R3HDM2: variants seen among roughly 807,000 people sequenced by gnomAD.
R3HDM2 encodes R3H domain-containing protein 2.
Under a neutral mutation model 124.5 loss-of-function variants are expected in R3HDM2, and 38 were observed. The observed-to-expected ratio is 0.31, with a 90% CI of 0.24 to 0.40. The LOEUF (loss-of-function observed/expected upper bound fraction) is 0.40. Ranked by LOEUF, R3HDM2 falls within the 10% of genes least tolerant of loss-of-function variation. The pLI, the probability that R3HDM2 is intolerant of heterozygous loss-of-function variation, is 1.00. For synonymous variants in R3HDM2, 391 were observed against 448.0 expected, an observed-to-expected ratio of 0.87 and a Z score of 1.61; for missense variants, 869 against 1,236.9, an observed-to-expected ratio of 0.70 and a Z score of 4.46.
intron 2 of R3HDM2, among the ~76,000 whole-genome samples, chr12:57,311,223 TTA>T (rs906914579): frequency 1.3e-4 from 20 of 149,142 alleles, no homozygotes; most frequent in Middle Eastern, 3.4e-3. Flanking sequence ...CTATAAAATC[TTA>T]TATATATATA....
chr12:57,303,500 T>C (rs775187455), intron 3 of R3HDM2, among the ~76,000 whole-genome samples: 10 of 151,978 alleles, frequency 6.6e-5, no homozygotes, highest in Admixed American at 5.2e-4. Context: ...TCCCAGCACT[T>C]TGGGAGGCCG....
chr12:57,416,342 G>C (rs2069601873), intron 1 of R3HDM2, among the ~76,000 whole-genome samples: 2 of 152,128 alleles, frequency 1.3e-5, no homozygotes. Context: ...GGTAAATACA[G>C]GTAAATGTCA....
In R3HDM2 at chr12:57,384,383, A is replaced by C. The variant is rs529863834; in HGVS notation, c.-36+11366T>G. On this transcript the variant is annotated intron_variant, in intron 2 of 23. Coordinates refer to ENST00000402412, the MANE Select transcript of R3HDM2 (RefSeq NM_001394031.1). ...AAAAAAAAAGAAAAGAAAAGTAGGGAAACAAGCCTATGTTCCTTGAGATTA... is the reference window on the plus strand; with the variant it reads ...AAAAAAAAAGAAAAGAAAAGTAGGGCAACAAGCCTATGTTCCTTGAGATTA... Among the ~76,000 whole-genome samples, 5 of 151,984 alleles carry C rather than the reference A, an allele frequency of 3.3e-5. No individual in the cohort carries two copies. The East Asian group carries it at 9.7e-4, about 29-fold the overall frequency.
Position 57,253,918 on chromosome 12 carries a change from G to A in R3HDM2, c.*855C>T. ...AATTAAATACTGTGTCTGTTACTGC[G>A]GCACGAACCTCAAACAAACAATATA... On this transcript the variant is annotated 3_prime_UTR_variant, in exon 24 of 24. Transcript: ENST00000402412. The A allele has an allele frequency of 7.0e-6, 2 of 284,162 alleles. No individual in the cohort carries two copies. The highest frequency in any genetic ancestry group is 3.1e-5 in the South Asian group (1 of 31,762). The allele number at this position is 284,162 out of a possible 1,614,324, so 17.6% of individuals were successfully genotyped here.
At chr12:57,315,863 C>T (rs1168954909) in intron 2 of R3HDM2, among the ~76,000 whole-genome samples, 7 of 152,272 alleles carry the variant, frequency 4.6e-5, no homozygotes, top group South Asian at 2.1e-4. Context: ...CTCACGCCTA[C>T]AGTCAGAGCA....
chr12:57,270,808 A>G (rs184075985), intron 14 of R3HDM2, among the ~76,000 whole-genome samples: 41 of 152,214 alleles, frequency 2.7e-4, no homozygotes, highest in Non-Finnish European at 5.0e-4. Context: ...AACTCAAGTG[A>G]TCAGCCCGCC....
rs145526076 is a variant in R3HDM2 at position 57,362,315 on chromosome 12, C to T, written c.-36+33434G>A. ...GAATGAAGACTTTTACGATGATCCA[C>T]TTTCACTTAATAGTAAATGTATTTT... is the stretch of plus-strand genomic sequence containing the variant. On this transcript the variant is annotated intron_variant, in intron 2 of 23. Transcript: ENST00000402412. 6.2e-4 allele frequency among the ~76,000 whole-genome samples: 95 copies of T among 152,336 alleles called. No homozygotes were observed. In the East Asian group the frequency reaches 0.015, roughly 25 times the overall value.
At chr12:57,401,137 A>G (rs1242440262) in intron 1 of R3HDM2, among the ~76,000 whole-genome samples, 1 of 152,070 alleles carries the variant, frequency 6.6e-6, no homozygotes, top group Non-Finnish European at 1.5e-5. Flanking sequence ...TAACATGGCC[A>G]CAGTTATGTG....
At chr12:57,409,594 G>GA (rs1566504517) in intron 1 of R3HDM2, among the ~76,000 whole-genome samples, 1 of 151,246 alleles carries the variant, frequency 6.6e-6, no homozygotes, top group Non-Finnish European at 1.5e-5. Context: ...CAAAACCCAG[G>GA]AAAAAAAGAA....
chr12:57,377,126 A>T (rs1272367625), intron 2 of R3HDM2, among the ~76,000 whole-genome samples: 1 of 98,928 alleles, frequency 1.0e-5, no homozygotes, highest in African/African-American at 3.7e-5. Flanking sequence ...GTCTCAGAAA[A>T]AAAAAAAAAA....
rs978338913 is a variant in R3HDM2 at position 57,430,352 on chromosome 12, G to A, written c.-106+368C>T. On this transcript the variant is annotated intron_variant, in intron 1 of 23. Coordinates refer to ENST00000402412, the MANE Select transcript of R3HDM2 (RefSeq NM_001394031.1). Reference sequence around the variant, plus strand: ...ATTTTAAACACTTCTACACCTCTCCGTCCTATTTTTCCATGCTCCACGCTC... The same window carrying A: ...ATTTTAAACACTTCTACACCTCTCCATCCTATTTTTCCATGCTCCACGCTC... Among the ~76,000 whole-genome samples the A allele has an allele frequency of 2.6e-5, 4 of 151,996 alleles. No individual in the cohort carries two copies. In the East Asian group the frequency reaches 5.8e-4, roughly 22 times the overall value.
chr12:57,382,988 AT>A (rs1442899371), intron 2 of R3HDM2, among the ~76,000 whole-genome samples: 1 of 151,888 alleles, frequency 6.6e-6, no homozygotes, highest in Non-Finnish European at 1.5e-5. Flanking sequence ...GGTTCAAGCA[AT>A]TCTCATGCCT....
intron 2 of R3HDM2, among the ~76,000 whole-genome samples, chr12:57,322,452 G>C (rs964603774): frequency 6.6e-6 from 1 of 152,010 alleles, no homozygotes; most frequent in Admixed American, 6.6e-5. Context: ...AAAATGAAAA[G>C]GTACATGATT....
At chr12:57,309,247 T>C (rs2053405726) in intron 3 of R3HDM2, among the ~76,000 whole-genome samples, 1 of 152,230 alleles carries the variant, frequency 6.6e-6, no homozygotes, top group Non-Finnish European at 1.5e-5. Context: ...TTCTTGCTAG[T>C]GTTAATTGTC....
At chr12:57,358,794 T>G (rs773697676) in intron 2 of R3HDM2, among the ~76,000 whole-genome samples, 29 of 152,202 alleles carry the variant, frequency 1.9e-4, no homozygotes, top group Non-Finnish European at 1.8e-4. Context: ...AATTACTGAT[T>G]TGTGTTTTAC....
chr12:57,421,448 CTCTT>C (rs1380123034), intron 1 of R3HDM2, among the ~76,000 whole-genome samples: 6 of 131,580 alleles, frequency 4.6e-5, no homozygotes, highest in East Asian at 2.3e-4. Flanking sequence ...CCACACCCAG[CTCTT>C]TTTTTTTTTT....
At chr12:57,405,702 C>T (rs894563137) in intron 1 of R3HDM2, among the ~76,000 whole-genome samples, 1 of 152,150 alleles carries the variant, frequency 6.6e-6, no homozygotes, top group African/African-American at 2.4e-5. Flanking sequence ...TTAGGATATA[C>T]TTTATTTAAA....
At chr12:57,354,910 G>A (rs547698728) in intron 2 of R3HDM2, among the ~76,000 whole-genome samples, 142 of 151,678 alleles carry the variant, frequency 9.4e-4, no homozygotes, top group African/African-American at 3.3e-3. Context: ...CTGCAGCCTC[G>A]ACCTCTCAGA....
At chr12:57,381,822 G>A (rs898945872) in intron 2 of R3HDM2, among the ~76,000 whole-genome samples, 2 of 151,684 alleles carry the variant, frequency 1.3e-5, no homozygotes, top group Non-Finnish European at 2.9e-5. Flanking sequence ...GAGAGAGAGA[G>A]ACAGAGACAT....
Sources: allele counts gnomAD v4.1 joint callset (sites outside exome capture counted in the v4.1 genomes callset), GRCh38; gene constraint gnomAD v4.1.1; transcripts MANE v1.5; gene names NCBI Gene and HGNC (gene_info 2026-07-23, HGNC 2026-07-21).